TTBK2: variants seen among roughly 807,000 people sequenced by gnomAD.
The protein encoded by TTBK2 is tau tubulin kinase 2.
A neutral mutation model predicts 110.8 loss-of-function variants in TTBK2; 28 were observed. The observed-to-expected ratio is 0.25, with a 90% confidence interval of 0.19 to 0.35. The LOEUF (loss-of-function observed/expected upper bound fraction) is 0.35, where lower values mean the gene tolerates loss of function less well. Ranked by LOEUF, TTBK2 falls within the 10% of genes least tolerant of loss-of-function variation. The pLI is 1.00. For synonymous variants in TTBK2, 532 were observed against 527.3 expected (o/e 1.01, Z -0.12); for missense variants, 1,369 against 1,500.3 (o/e 0.91, Z 1.45).
intron 3 of TTBK2, among the ~76,000 whole-genome samples, chr15:42,848,862 C>T (rs1249431981): frequency 6.6e-6 from 1 of 152,174 alleles, no homozygotes; most frequent in African/African-American, 2.4e-5. Flanking sequence ...TTTTAAAATT[C>T]AGTTCTCAAT....
chr15:42,910,101 C>A (rs998245488), intron 1 of TTBK2, among the ~76,000 whole-genome samples: 3 of 152,168 alleles, frequency 2.0e-5, no homozygotes, highest in African/African-American at 7.2e-5. Flanking sequence ...ATTCCTTAAA[C>A]TGCACATGTA....
chr15:42,764,988 C>G (rs1889289654), intron 13 of TTBK2, among the ~76,000 whole-genome samples: 1 of 152,232 alleles, frequency 6.6e-6, no homozygotes, highest in Non-Finnish European at 1.5e-5. Context: ...CCCAGGCAAA[C>G]AGGGTCTGGA....
intron 3 of TTBK2, among the ~76,000 whole-genome samples, chr15:42,865,046 G>A (rs901631177): frequency 6.6e-6 from 1 of 152,136 alleles, no homozygotes; most frequent in African/African-American, 2.4e-5. Flanking sequence ...TACCTTTGAA[G>A]TGGTATAATG....
intron 13 of TTBK2, among the ~76,000 whole-genome samples, chr15:42,766,796 A>G (rs1259464435): frequency 6.6e-6 from 1 of 152,212 alleles, no homozygotes; most frequent in Non-Finnish European, 1.5e-5. Context: ...ATAGACATCT[A>G]CAGAACTCTC....
At chr15:42,904,573 C>A (rs556536093) in intron 1 of TTBK2, among the ~76,000 whole-genome samples, 3 of 152,072 alleles carry the variant, frequency 2.0e-5, no homozygotes, top group African/African-American at 7.2e-5. Context: ...GCCAAACAGA[C>A]CCAAAGAAGA....
intron 13 of TTBK2, among the ~76,000 whole-genome samples, chr15:42,754,657 A>C (rs1358838178): frequency 7.1e-6 from 1 of 141,340 alleles, no homozygotes; most frequent in Admixed American, 7.0e-5. Flanking sequence ...TCGGCCTCCC[A>C]AAGTGCTGGG....
chr15:42,817,102 A>G lies in TTBK2; in HGVS notation c.538-5T>C. On this transcript the variant is annotated splice_polypyrimidine_tract_variant and splice_region_variant and intron_variant, in intron 6 of 14. Coordinates refer to ENST00000267890, the MANE Select transcript of TTBK2 (RefSeq NM_173500.4). ...AAAACCTGCCACAGCTCGAGGCTAC[A>G]ACGAAGCCATGCAAAGAATAATAAA... The G allele has an allele frequency of 1.2e-6, 2 of 1,604,566 alleles. No homozygotes were observed. Among genetic ancestry groups the G allele is most frequent in the Non-Finnish European group, 1.7e-6 (2 of 1,174,186 alleles).
At chr15:42,814,166 C>G (rs79776782) in intron 7 of TTBK2, among the ~76,000 whole-genome samples, 40 of 152,138 alleles carry the variant, frequency 2.6e-4, no homozygotes, top group African/African-American at 9.1e-4. Flanking sequence ...AGATTACAGG[C>G]GCCCGCCACC....
At chr15:42,907,948 T>C (rs1023108747) in intron 1 of TTBK2, among the ~76,000 whole-genome samples, 1 of 151,288 alleles carries the variant, frequency 6.6e-6, no homozygotes, top group Non-Finnish European at 1.5e-5. Flanking sequence ...TAGCCTGGCA[T>C]GGTGGCATGT....
chr15:42,755,953 T>C (rs1595880499), intron 13 of TTBK2, among the ~76,000 whole-genome samples: 1 of 152,144 alleles, frequency 6.6e-6, no homozygotes, highest in Non-Finnish European at 1.5e-5. Context: ...CCCAGCGCTC[T>C]GGGGGGCCGA....
In TTBK2 at chr15:42,775,640, A is replaced by G; in HGVS notation, c.1493T>C (p.Val498Ala). ...ALLHKPCVPA[V>A]SRTDHIWHYD... is the part of the protein sequence containing the mutation. ...GTGCCAGATGTGGTCAGTACGGGAC[A>G]CAGCAGGAACGCAAGGCTTATGCAG... Residue 498 changes from valine to alanine, a missense_variant, in exon 13 of 15, where the codon GTG becomes GCG. Around this residue, in one of 4 missense-constraint regions of TTBK2, gnomAD observed 1,097 missense variants for 1,114.7 expected, o/e 0.98. Coordinates refer to ENST00000267890, the MANE Select transcript of TTBK2 (RefSeq NM_173500.4). 1 of 1,612,954 alleles carries G rather than the reference A, an allele frequency of 6.2e-7. No homozygotes were observed. The highest frequency in any genetic ancestry group is 2.2e-5 in the East Asian group (1 of 44,868).
At chr15:42,867,900 A>C (rs1894444197) in intron 3 of TTBK2, among the ~76,000 whole-genome samples, 1 of 152,238 alleles carries the variant, frequency 6.6e-6, no homozygotes, top group Non-Finnish European at 1.5e-5. Flanking sequence ...GATATCCCTC[A>C]GTAGGTGAAT....
Position 42,872,992 on chromosome 15 carries a change from CACAA to C in TTBK2, c.70-238_70-235del, listed in dbSNP as rs555266911. On this transcript the variant is annotated intron_variant, in intron 2 of 14. Coordinates refer to ENST00000267890, the MANE Select transcript of TTBK2 (RefSeq NM_173500.4). ...AACAAAGTAATGAAATTATTTCACT[CACAA>C]ACAATTTTAAAATTTGGTCAACAGC... Among the ~76,000 whole-genome samples, 194 of 152,252 alleles carry C rather than the reference CACAA, an allele frequency of 1.3e-3. 2 individuals are homozygous for C. The highest frequency in any genetic ancestry group is 4.1e-3 in the African/African-American group (170 of 41,548).
At chr15:42,767,143 G>A (rs1889418686) in intron 13 of TTBK2, among the ~76,000 whole-genome samples, 1 of 152,154 alleles carries the variant, frequency 6.6e-6, no homozygotes, top group Admixed American at 6.5e-5. Flanking sequence ...AGTGTGTAGA[G>A]GGAAATTTAT....
At chr15:42,845,380 T>C (rs984728588) in intron 3 of TTBK2, among the ~76,000 whole-genome samples, 1 of 151,796 alleles carries the variant, frequency 6.6e-6, no homozygotes, top group Non-Finnish European at 1.5e-5. Flanking sequence ...AAAAATGGGG[T>C]ACCTGCCAGG....
At chr15:42,914,609 G>A (rs182120762) in intron 1 of TTBK2, among the ~76,000 whole-genome samples, 3 of 152,222 alleles carry the variant, frequency 2.0e-5, no homozygotes, top group African/African-American at 7.2e-5. Context: ...GACTCTTTAG[G>A]ACAAAACTCT....
At chr15:42,896,610 G>C (rs1895677879) in intron 1 of TTBK2, among the ~76,000 whole-genome samples, 1 of 151,842 alleles carries the variant, frequency 6.6e-6, no homozygotes. Flanking sequence ...AACATAGCAA[G>C]ACCCCATTTC....
intron 3 of TTBK2, chr15:42,855,037 C>T (rs950921802): frequency 1.3e-5 from 2 of 152,078 alleles, no homozygotes; most frequent in African/African-American, 4.8e-5. Context: ...ATAATCTCTG[C>T]TTTTTAAGAG....
chr15:42,865,517 A>T (rs965246876), intron 3 of TTBK2, among the ~76,000 whole-genome samples: 2 of 139,000 alleles, frequency 1.4e-5, no homozygotes, highest in African/African-American at 5.9e-5. Flanking sequence ...TAATACTAAA[A>T]AAAAAAAAAA....
Sources: allele counts gnomAD v4.1 joint callset (sites outside exome capture counted in the v4.1 genomes callset), GRCh38; gene constraint gnomAD v4.1.1; regional missense constraint gnomAD v4.1.1; transcripts MANE v1.5; gene names NCBI Gene and HGNC (gene_info 2026-07-23, HGNC 2026-07-21).